The following CLEC5A variants were observed in gnomAD, a reference collection of about 807,000 sequenced individuals.
CLEC5A encodes C-type lectin domain containing 5A, also known as C-type lectin domain family 5 member A.
CLEC5A carries 15 observed loss-of-function variants against 24.4 expected under a neutral mutation model. That is an observed-to-expected ratio of 0.62 (90% CI 0.41 to 0.95). The LOEUF is 0.95. Ranked by LOEUF, CLEC5A falls within the 40% of genes least tolerant of loss-of-function variation. The pLI is 0.00. For synonymous variants in CLEC5A, 71 were observed against 72.6 expected (o/e 0.98, Z 0.11); for missense variants, 211 against 224.0 (o/e 0.94, Z 0.37).
In CLEC5A at chr7:141,930,067, G is replaced by A; in HGVS notation, c.*37C>T. ...CAGACGACCTGTATGGATTCAAAAA[G>A]AGTTGCAAGTATAGTTCTTGTCACA... On this transcript the variant is annotated 3_prime_UTR_variant, in exon 7 of 7. Coordinates refer to ENST00000546910, the MANE Select transcript of CLEC5A (RefSeq NM_013252.3). The A allele has an allele frequency of 6.6e-7, 1 of 1,505,908 alleles. No homozygotes were observed. Among genetic ancestry groups the A allele is most frequent in the Non-Finnish European group, 9.2e-7 (1 of 1,083,972 alleles). The allele number at this position is 1,505,908 out of a possible 1,614,324, so 93.3% of individuals were successfully genotyped here. A position where few individuals can be genotyped will look rare whatever the true frequency, so the allele number is the denominator to read the frequency against.
At chr7:141,944,755 T>C (rs773120041) in intron 3 of CLEC5A, among the ~76,000 whole-genome samples, 32 of 152,192 alleles carry the variant, frequency 2.1e-4, no homozygotes, top group Non-Finnish European at 3.8e-4. Flanking sequence ...TGAAACAAAT[T>C]GGCATTCACT....
At chr7:141,945,487 G>A (rs1802926345) in intron 2 of CLEC5A, 87 bp from the exon 3 acceptor site, 2 of 915,286 alleles carry the variant, frequency 2.2e-6, no homozygotes, top group East Asian at 4.8e-5. Context: ...GGGCTGCTAG[G>A]GTACTGTGAC....
chr7:141,942,032 T>C (rs1196219513), intron 4 of CLEC5A, among the ~76,000 whole-genome samples: 1 of 152,056 alleles, frequency 6.6e-6, no homozygotes, highest in African/African-American at 2.4e-5. Flanking sequence ...TAATGCAATC[T>C]TTGTCAATAA....
chr7:141,941,997 CTCTACT>C (rs1802807491), intron 4 of CLEC5A, among the ~76,000 whole-genome samples: 1 of 151,838 alleles, frequency 6.6e-6, no homozygotes, highest in African/African-American at 2.4e-5. Flanking sequence ...AAAATGTCCA[CTCTACT>C]CAAAGCAATC....
At chr7:141,935,289 T>C (rs1409897339) in intron 5 of CLEC5A, among the ~76,000 whole-genome samples, 1 of 152,208 alleles carries the variant, frequency 6.6e-6, no homozygotes, top group Non-Finnish European at 1.5e-5. Flanking sequence ...TGTGCCCTAG[T>C]TGCCATTTAT....
At position 141,930,138 on chromosome 7, in the gene CLEC5A, C is replaced by G. The variant is rs1392423609; in HGVS notation, c.533G>C (p.Ser178Thr). Residue 178 changes from serine (S) to threonine (T), a missense_variant, in exon 7 of 7, where the codon AGC becomes ACC. Ser to Thr is a moderately conservative substitution (Grantham distance 58, BLOSUM62 1). Coordinates refer to ENST00000546910, the MANE Select transcript of CLEC5A (RefSeq NM_013252.3). ...ATTCTTCTCACAGATCCTGCGGTAG[C>G]TGATGTCACATGATGCAGCATCAAA... ...KTFDAASCDI[S>T]YRRICEKNAK 1.2e-6 allele frequency: 2 copies of G among 1,614,006 alleles called. No homozygotes were observed. Among genetic ancestry groups the G allele is most frequent in the Admixed American group, 1.7e-5 (1 of 59,996 alleles).
chr7:141,938,214 G>A (rs116954747), intron 4 of CLEC5A, among the ~76,000 whole-genome samples: 3,300 of 152,272 alleles, frequency 0.022, 56 homozygotes, highest in Middle Eastern at 0.075. Context: ...ACAGAAATAT[G>A]TGACCTTTTA....
At chr7:141,937,264 T>C (rs1158505584) in intron 4 of CLEC5A, among the ~76,000 whole-genome samples, 2 of 152,044 alleles carry the variant, frequency 1.3e-5, no homozygotes, top group Non-Finnish European at 2.9e-5. Flanking sequence ...ATAGCATTTC[T>C]GGACCTGCCC....
intron 4 of CLEC5A, among the ~76,000 whole-genome samples, chr7:141,940,506 T>G (rs893309204): frequency 1.3e-5 from 2 of 151,160 alleles, no homozygotes; most frequent in Non-Finnish European, 3.0e-5. Context: ...AAAAACCTGA[T>G]GACAAATCTT....
chr7:141,934,514 TTTGGTATACTTG>T (rs1360328930), intron 5 of CLEC5A, among the ~76,000 whole-genome samples: 1 of 151,794 alleles, frequency 6.6e-6, no homozygotes, highest in African/African-American at 2.4e-5. Context: ...CGAAGTGGAA[TTTGGTATACTTG>T]TTGGGAGGAG....
In CLEC5A at chr7:141,943,883, T is replaced by G. The variant is rs75824344; in HGVS notation, c.208+13A>C. On this transcript the variant is annotated intron_variant, in intron 4 of 6. Transcript: ENST00000546910. Reference sequence around the variant, plus strand: ...CTAGGGGATGGGGAGTAGGTTGTAATCATGCACTTTACCTGTTCCATAGCT... The same window carrying G: ...CTAGGGGATGGGGAGTAGGTTGTAAGCATGCACTTTACCTGTTCCATAGCT... The G allele has an allele frequency of 1.4e-5, 22 of 1,562,158 alleles. No homozygotes were observed. The highest frequency in any genetic ancestry group is 1.9e-5 in the Non-Finnish European group (22 of 1,133,012).
intron 5 of CLEC5A, 109 bp from the exon 6 acceptor site, chr7:141,931,935 A>G (rs1802480931): frequency 1.7e-6 from 1 of 583,804 alleles, no homozygotes; most frequent in Admixed American, 3.1e-5. Flanking sequence ...CCGGTAGAGA[A>G]CTCTGGGACC....
rs782355724 is a variant in CLEC5A at position 141,931,708 on chromosome 7, A to G, written c.452+12T>C. ...ACCAAGATCCCCAGGAAACTGTGGC[A>G]TGTTCACGTACTTGCCATTGAACAC... On this transcript the variant is annotated intron_variant, in intron 6 of 6. Coordinates refer to ENST00000546910, the MANE Select transcript of CLEC5A (RefSeq NM_013252.3). 15 of 1,406,150 alleles carry G rather than the reference A, an allele frequency of 1.1e-5. No homozygotes were observed. The highest frequency in any genetic ancestry group is 5.7e-5 in the African/African-American group (4 of 70,504). 87.1% of individuals were successfully genotyped at this position (1,406,150 alleles called of 1,614,324 possible).
chr7:141,932,041 C>G (rs1554440474), intron 5 of CLEC5A, among the ~76,000 whole-genome samples: 1 of 152,194 alleles, frequency 6.6e-6, no homozygotes, highest in Non-Finnish European at 1.5e-5. Context: ...ACACAGACTG[C>G]TGGGCTCCTG....
At chr7:141,946,179 T>G in intron 2 of CLEC5A, 35 bp downstream of exon 2, 2 of 1,547,990 alleles carry the variant, frequency 1.3e-6, no homozygotes, top group Non-Finnish European at 1.7e-6. Flanking sequence ...CAAGACAACA[T>G]GAAGTCTGGG....
chr7:141,944,330 A>G (rs1352676581), intron 3 of CLEC5A, among the ~76,000 whole-genome samples: 1 of 152,180 alleles, frequency 6.6e-6, no homozygotes, highest in Admixed American at 6.6e-5. Flanking sequence ...GACTGTTTGG[A>G]GTACTTCTCG....
intron 3 of CLEC5A, 98 bp from the exon 4 acceptor site, chr7:141,944,062 T>C: frequency 1.3e-6 from 1 of 778,774 alleles, no homozygotes; most frequent in East Asian, 2.5e-5. Flanking sequence ...ATCATGGAGA[T>C]GACAAGAAGC....
In CLEC5A at chr7:141,946,236, T is replaced by C. The variant is rs1240652467; in HGVS notation, c.57A>G (p.Gly19=). 4 of 1,569,248 alleles carry C rather than the reference T, an allele frequency of 2.5e-6. No homozygotes were observed. The African/African-American group carries it at 4.0e-5, about 16-fold the overall frequency. ...CACAATAAAGTAGAAATAAGGTCAT[T>C]CCAACAACTTTAAGCACTACCACAA... ...GLIVVVLKVV[G]MTLFLLYFPQ... is the part of the protein sequence containing the mutation. Residue 19 remains glycine, a synonymous_variant, in exon 2 of 7, where the codon GGA becomes GGG. Coordinates refer to ENST00000546910, the MANE Select transcript of CLEC5A (RefSeq NM_013252.3).
At chr7:141,945,445 A>C (rs782651612) in intron 2 of CLEC5A, 45 bp from the exon 3 acceptor site, 2 of 1,312,284 alleles carry the variant, frequency 1.5e-6, no homozygotes, top group South Asian at 1.2e-5. Flanking sequence ...ATGTGACTGC[A>C]TGATGAATAT....
Sources: allele counts gnomAD v4.1 joint callset (sites outside exome capture counted in the v4.1 genomes callset), GRCh38; gene constraint gnomAD v4.1.1; transcripts MANE v1.5; gene names NCBI Gene and HGNC (gene_info 2026-07-23, HGNC 2026-07-21).